Variants in SNTB1 observed in about 807,000 individuals in gnomAD.
SNTB1 encodes the protein syntrophin beta 1, also known as beta-1-syntrophin.
A neutral mutation model predicts 48.9 loss-of-function variants in SNTB1; 36 were observed. That is an observed-to-expected ratio of 0.74 (90% confidence interval 0.56 to 0.97). The LOEUF (loss-of-function observed/expected upper bound fraction) is 0.97, where lower values mean the gene tolerates loss of function less well. Among genes scored for constraint, SNTB1 ranks in the 50% least tolerant of loss-of-function variants. SNTB1 has a pLI of 0.00. For synonymous variants in SNTB1, 299 were observed against 294.6 expected (o/e 1.01, Z -0.15); for missense variants, 786 against 703.4 (o/e 1.12, Z -1.33).
chr8:120,697,663 C>T (rs1486809029), intron 1 of SNTB1, among the ~76,000 whole-genome samples: 3 of 152,116 alleles, frequency 2.0e-5, no homozygotes, highest in Non-Finnish European at 2.9e-5. Context: ...AATGAGCAGG[C>T]ATAAAAATCA....
At chr8:120,606,856 A>G (rs1816530183) in intron 3 of SNTB1, among the ~76,000 whole-genome samples, 1 of 152,216 alleles carries the variant, frequency 6.6e-6, no homozygotes, top group African/African-American at 2.4e-5. Context: ...CAACACAAGA[A>G]ACGTTCCTGT....
At chr8:120,711,267 G>A (rs1818459065) in intron 1 of SNTB1, among the ~76,000 whole-genome samples, 1 of 152,102 alleles carries the variant, frequency 6.6e-6, no homozygotes, top group African/African-American at 2.4e-5. Context: ...CAGGTTGAAA[G>A]TGGACTTGAA....
Position 120,731,130 on chromosome 8 carries a change from T to C in SNTB1, c.572-37222A>G, listed in dbSNP as rs539057218. Reference sequence around the variant, plus strand: ...AGTGAGACTTTGTCTCAAAAAAGTATAATAATAAAAAATTAAACAAATAAT... The same window carrying C: ...AGTGAGACTTTGTCTCAAAAAAGTACAATAATAAAAAATTAAACAAATAAT... On this transcript the variant is annotated intron_variant, in intron 1 of 6. Transcript: ENST00000517992. 8.6e-5 allele frequency among the ~76,000 whole-genome samples: 13 copies of C among 152,008 alleles called. No homozygotes were observed. The South Asian group carries it at 2.5e-3, about 29-fold the overall frequency.
rs147752024 is a variant in SNTB1 at position 120,807,543 on chromosome 8, G to A, written c.571+3730C>T. Among the ~76,000 whole-genome samples, 1,089 of 152,344 alleles carry A rather than the reference G, an allele frequency of 7.1e-3. 12 individuals are homozygous for A. Among genetic ancestry groups the A allele is most frequent in the African/African-American group, 0.024 (977 of 41,570 alleles). ...GGCTTAACTGGCAGAGTTTATTCAC[G>A]ATATAAGTTTGGATTACATTTAGTC... On this transcript the variant is annotated intron_variant, in intron 1 of 6. Coordinates refer to ENST00000517992, the MANE Select transcript of SNTB1 (RefSeq NM_021021.4).
At chr8:120,685,143 T>G (rs1051049245) in intron 2 of SNTB1, among the ~76,000 whole-genome samples, 3 of 152,028 alleles carry the variant, frequency 2.0e-5, no homozygotes, top group Non-Finnish European at 4.4e-5. Context: ...CAGGCAGGAG[T>G]TGCACACTGA....
chr8:120,631,718 G>A (rs1049892777), intron 3 of SNTB1, among the ~76,000 whole-genome samples: 2 of 152,094 alleles, frequency 1.3e-5, no homozygotes, highest in African/African-American at 2.4e-5. Flanking sequence ...CACAGAGTGA[G>A]TTTTACTATC....
chr8:120,539,015 T>C (rs888372696), intron 6 of SNTB1, 46 bp from the exon 7 acceptor site: 1 of 1,434,164 alleles, frequency 7.0e-7, no homozygotes, highest in African/African-American at 1.4e-5. Context: ...AAATTAATGC[T>C]TGATGTAGAT....
chr8:120,620,874 C>T (rs566240957), intron 3 of SNTB1, among the ~76,000 whole-genome samples: 3 of 151,248 alleles, frequency 2.0e-5, no homozygotes, highest in African/African-American at 7.3e-5. Flanking sequence ...CATCTTCCTC[C>T]TCCCTCCCTC....
intron 4 of SNTB1, among the ~76,000 whole-genome samples, chr8:120,572,171 C>G (rs913891172): frequency 6.6e-6 from 1 of 152,176 alleles, no homozygotes. Flanking sequence ...TGACCATAAC[C>G]TGTTTGGCAG....
chr8:120,767,784 T>C (rs191647749), intron 1 of SNTB1, among the ~76,000 whole-genome samples: 33 of 152,356 alleles, frequency 2.2e-4, no homozygotes, highest in Non-Finnish European at 4.0e-4. Context: ...TAGTCTTTTA[T>C]TATGCTCGGT....
intron 3 of SNTB1, among the ~76,000 whole-genome samples, chr8:120,579,932 A>G (rs1267644620): frequency 6.6e-6 from 1 of 152,206 alleles, no homozygotes; most frequent in Non-Finnish European, 1.5e-5. Context: ...ACTATTAAGG[A>G]GAGTGCACAT....
At chr8:120,777,527 CAGTCTGTGCA>C (rs1361262680) in intron 1 of SNTB1, among the ~76,000 whole-genome samples, 2 of 152,206 alleles carry the variant, frequency 1.3e-5, no homozygotes, top group Non-Finnish European at 2.9e-5. Context: ...ATGTCCCAAA[CAGTCTGTGCA>C]AGTCTGTGCT....
intron 1 of SNTB1, among the ~76,000 whole-genome samples, chr8:120,802,338 C>T (rs990206706): frequency 3.6e-4 from 54 of 152,066 alleles, no homozygotes; most frequent in Non-Finnish European, 7.8e-4. Context: ...TTGAAGTTTG[C>T]TGTGTAGGTT....
In SNTB1 at chr8:120,575,173, T is replaced by A. The variant is rs1271109924; in HGVS notation, c.1049A>T (p.Glu350Val). ...QWKPALVVLT[E>V]KDLLIYDSMP... ...GCTGTCATAGATTAAAAGGTCTTTC[T>A]CAGTCAGCACAACCAGGGCTGGTTT... is the stretch of plus-strand genomic sequence containing the variant. The change falls in exon 4 of 7, where the codon GAG becomes GTG. Residue 350 changes from glutamate to valine, a missense_variant. Transcript: ENST00000517992. 1.2e-6 allele frequency: 2 copies of A among 1,614,138 alleles called. No homozygotes were observed. Among genetic ancestry groups the A allele is most frequent in the Non-Finnish European group, 8.5e-7 (1 of 1,180,002 alleles).
At chr8:120,694,701 A>C (rs1246054104) in intron 1 of SNTB1, among the ~76,000 whole-genome samples, 2 of 152,000 alleles carry the variant, frequency 1.3e-5, no homozygotes, top group Non-Finnish European at 2.9e-5. Flanking sequence ...ATATCTTTGT[A>C]TATAAATTCA....
intron 2 of SNTB1, among the ~76,000 whole-genome samples, chr8:120,679,334 A>T (rs1817891432): frequency 6.6e-6 from 1 of 151,996 alleles, no homozygotes; most frequent in Admixed American, 6.6e-5. Flanking sequence ...GGAACACAAA[A>T]CTCTCAAAAT....
chr8:120,731,517 G>A (rs150625841), intron 1 of SNTB1, among the ~76,000 whole-genome samples: 12 of 152,338 alleles, frequency 7.9e-5, no homozygotes, highest in African/African-American at 2.6e-4. Context: ...GGCTTGAAGA[G>A]ATGACTTCCA....
chr8:120,762,282 C>A (rs1016385867), intron 1 of SNTB1, among the ~76,000 whole-genome samples: 2 of 152,208 alleles, frequency 1.3e-5, no homozygotes, highest in African/African-American at 4.8e-5. Context: ...TATTCACTGA[C>A]AAAGGCCCTG....
intron 3 of SNTB1, among the ~76,000 whole-genome samples, chr8:120,585,185 C>T (rs1816119487): frequency 6.6e-6 from 1 of 152,192 alleles, no homozygotes; most frequent in Non-Finnish European, 1.5e-5. Flanking sequence ...TTATTATCCC[C>T]ATTTACAGAA....
Sources: gnomAD v4.1 joint callset for allele counts (sites outside exome capture counted in the v4.1 genomes callset) on GRCh38, gnomAD v4.1.1 for gene constraint, MANE v1.5 for transcripts, NCBI Gene and HGNC (gene_info 2026-07-23, HGNC 2026-07-21) for gene names.